PTPRN2: variants seen among roughly 807,000 people sequenced by gnomAD.
PTPRN2 encodes receptor-type tyrosine-protein phosphatase N2.
A neutral mutation model predicts 118.8 loss-of-function variants in PTPRN2; 74 were observed. That is an observed-to-expected ratio of 0.62 (90% CI 0.52 to 0.76). PTPRN2 has a LOEUF of 0.76. Ranked by LOEUF, PTPRN2 falls within the 30% of genes least tolerant of loss-of-function variation. The pLI is 0.00. For synonymous variants in PTPRN2, 641 were observed against 608.0 expected (o/e 1.05, Z -0.80); for missense variants, 1,481 against 1,394.4 (o/e 1.06, Z -0.99).
At chr7:158,351,423 G>T (rs551313902) in intron 2 of PTPRN2, among the ~76,000 whole-genome samples, 1 of 152,288 alleles carries the variant, frequency 6.6e-6, no homozygotes, top group African/African-American at 2.4e-5. Flanking sequence ...CAGCTGTCTG[G>T]GGCGACTCGT....
At chr7:158,347,508 T>G (rs1431863500) in intron 2 of PTPRN2, among the ~76,000 whole-genome samples, 1 of 152,372 alleles carries the variant, frequency 6.6e-6, no homozygotes, top group South Asian at 2.1e-4. Flanking sequence ...TATTATAGTT[T>G]CATAGTATAT....
In PTPRN2 at chr7:157,925,594, G is replaced by A. The variant is rs577006926; in HGVS notation, c.1724-26857C>T. Reference sequence around the variant, plus strand: ...TTCTGAGGTGGTCAGCAGTGGACTCGGTCAGGCCACGTGGAAACCGCATGG... The same window carrying A: ...TTCTGAGGTGGTCAGCAGTGGACTCAGTCAGGCCACGTGGAAACCGCATGG... On this transcript the variant is annotated intron_variant, in intron 11 of 22. Transcript: ENST00000389418. Among the ~76,000 whole-genome samples, 7 of 152,234 alleles carry A rather than the reference G, an allele frequency of 4.6e-5. No homozygotes were observed. The East Asian group carries it at 7.7e-4, about 17-fold the overall frequency.
intron 2 of PTPRN2, among the ~76,000 whole-genome samples, chr7:158,384,077 G>A (rs765865010): frequency 2.6e-5 from 4 of 152,066 alleles, no homozygotes; most frequent in African/African-American, 4.8e-5. Flanking sequence ...CTGTCTCATC[G>A]CTGGTCATCC....
chr7:158,286,435 T>C (rs1318226203), intron 3 of PTPRN2, among the ~76,000 whole-genome samples: 1 of 152,236 alleles, frequency 6.6e-6, no homozygotes, highest in East Asian at 1.9e-4. Flanking sequence ...TTCCTGATCT[T>C]AGAGGAAAAG....
intron 6 of PTPRN2, among the ~76,000 whole-genome samples, chr7:158,144,853 G>A (rs1426346096): frequency 1.3e-5 from 2 of 152,168 alleles, no homozygotes; most frequent in African/African-American, 4.8e-5. Context: ...GCAAAATGAT[G>A]CTTATTCCCC....
At chr7:158,144,222 T>C (rs191296573) in intron 6 of PTPRN2, among the ~76,000 whole-genome samples, 1 of 152,352 alleles carries the variant, frequency 6.6e-6, no homozygotes, top group East Asian at 1.9e-4. Flanking sequence ...TGTTTTGCCA[T>C]ACTGATCCAC....
intron 2 of PTPRN2, among the ~76,000 whole-genome samples, chr7:158,410,195 A>G (rs1329690417): frequency 1.3e-5 from 2 of 152,196 alleles, no homozygotes; most frequent in African/African-American, 4.8e-5. Context: ...TCTGCCTTCA[A>G]GCATCTGACA....
At chr7:157,707,397 C>T (rs1798388803) in intron 12 of PTPRN2, among the ~76,000 whole-genome samples, 1 of 152,114 alleles carries the variant, frequency 6.6e-6, no homozygotes, top group African/African-American at 2.4e-5. Flanking sequence ...CCCCCACACA[C>T]GTGGAGATAG....
At chr7:157,593,568 C>T (rs1356028236) in intron 17 of PTPRN2, among the ~76,000 whole-genome samples, 1 of 152,224 alleles carries the variant, frequency 6.6e-6, no homozygotes, top group Non-Finnish European at 1.5e-5. Context: ...TATTCTCTGC[C>T]CGCCCTCCAA....
At chr7:158,407,165 GGTCCTGC>G (rs1173118731) in intron 2 of PTPRN2, among the ~76,000 whole-genome samples, 21 of 99,032 alleles carry the variant, frequency 2.1e-4, no homozygotes, top group African/African-American at 6.2e-4. Context: ...CTGGGTCCTG[GGTCCTGC>G]GTCCTGCGTC....
chr7:157,876,806 C>T (rs909932595), intron 12 of PTPRN2, among the ~76,000 whole-genome samples: 4 of 152,212 alleles, frequency 2.6e-5, no homozygotes, highest in Admixed American at 1.3e-4. Flanking sequence ...TGTGTGGGTG[C>T]CAGCAGCCAC....
At chr7:157,621,553 C>T in intron 14 of PTPRN2, 44 bp from the exon 15 acceptor site, 4 of 1,600,434 alleles carry the variant, frequency 2.5e-6, no homozygotes, top group Non-Finnish European at 3.4e-6. Flanking sequence ...AGGTGGTGAG[C>T]CCAGACCGGC....
chr7:158,243,234 C>T (rs962183261), intron 3 of PTPRN2, among the ~76,000 whole-genome samples: 1 of 152,212 alleles, frequency 6.6e-6, no homozygotes, highest in African/African-American at 2.4e-5. Context: ...AGCAGGAAAG[C>T]TTTCATTTCC....
chr7:158,440,424 AAGC>A (rs1563293595), intron 2 of PTPRN2, among the ~76,000 whole-genome samples: 1 of 151,226 alleles, frequency 6.6e-6, no homozygotes, highest in South Asian at 2.1e-4. Context: ...GTGATAGTGA[AAGC>A]AGTGGTGGTG....
chr7:157,869,184 A>C lies in PTPRN2; in HGVS notation c.1788+29489T>G, dbSNP rs1396390526. On this transcript the variant is annotated intron_variant, in intron 12 of 22. Transcript: ENST00000389418. This position sits in a 1 kb window ranked among gnomAD's most constrained non-coding sequence, Gnocchi z 4.2. ...TCTTTCCTGATACCTCAACTTTGCCAGGGTCCTAAGCGTGTGCTTAGGTAC... is the reference window on the plus strand; with the variant it reads ...TCTTTCCTGATACCTCAACTTTGCCCGGGTCCTAAGCGTGTGCTTAGGTAC... 2 of 152,200 alleles carry C rather than the reference A, an allele frequency of 1.3e-5. No individual in the cohort carries two copies. Among genetic ancestry groups the C allele is most frequent in the Non-Finnish European group, 2.9e-5 (2 of 68,036 alleles). The allele number at this position is 152,200 out of a possible 1,614,324, so 9.4% of individuals were successfully genotyped here.
At chr7:158,288,308 G>T (rs1270835829) in intron 3 of PTPRN2, among the ~76,000 whole-genome samples, 2 of 152,078 alleles carry the variant, frequency 1.3e-5, no homozygotes, top group Admixed American at 1.3e-4. Flanking sequence ...GACAGGCAGG[G>T]TCTTACTAAT....
At chr7:158,206,586 C>A (rs565265663) in intron 3 of PTPRN2, among the ~76,000 whole-genome samples, 1 of 151,826 alleles carries the variant, frequency 6.6e-6, no homozygotes, top group South Asian at 2.1e-4. Context: ...AGAGAGAGAC[C>A]GTCCGTTCGT....
intron 3 of PTPRN2, among the ~76,000 whole-genome samples, chr7:158,289,728 TTTGTTGTTGTTG>T (rs141044075): frequency 1.3e-5 from 2 of 151,864 alleles, no homozygotes; most frequent in African/African-American, 4.8e-5. Flanking sequence ...GTTTTTCATG[TTTGTTGTTGTTG>T]TTGTTGTTGT....
At chr7:158,375,427 T>C (rs1461603821) in intron 2 of PTPRN2, among the ~76,000 whole-genome samples, 2 of 152,194 alleles carry the variant, frequency 1.3e-5, no homozygotes, top group Non-Finnish European at 2.9e-5. Context: ...CTCAAGCTCC[T>C]GGTGTGGCCA....
Sources: gnomAD v4.1 joint callset for allele counts (sites outside exome capture counted in the v4.1 genomes callset) on GRCh38, gnomAD v4.1.1 for gene constraint, Gnocchi (gnomAD v3.1) non-coding constraint, MANE v1.5 for transcripts, NCBI Gene and HGNC (gene_info 2026-07-23, HGNC 2026-07-21) for gene names.